The following SGCZ variants were observed in gnomAD, a reference collection of about 807,000 sequenced individuals.
SGCZ encodes the protein sarcoglycan zeta.
A neutral mutation model predicts 41.3 loss-of-function variants in SGCZ; 40 were observed. That is an observed-to-expected ratio of 0.97 (90% CI 0.75 to 1.26). The LOEUF is 1.26. Ranked by LOEUF, SGCZ falls within the 50% of genes most tolerant of loss-of-function variation. SGCZ has a pLI of 0.00. For synonymous variants in SGCZ, 206 were observed against 137.5 expected, an observed-to-expected ratio of 1.50 and a Z score of -3.49; for missense variants, 552 against 369.8, an observed-to-expected ratio of 1.49 and a Z score of -4.04.
chr8:14,137,316 G>A (rs1803229939), intron 5 of SGCZ, among the ~76,000 whole-genome samples: 1 of 152,224 alleles, frequency 6.6e-6, no homozygotes. Flanking sequence ...ACAAAGATGG[G>A]CGGAGAATGA....
intron 1 of SGCZ, among the ~76,000 whole-genome samples, chr8:14,590,016 C>G (rs934856906): frequency 8.6e-5 from 13 of 152,022 alleles, no homozygotes; most frequent in African/African-American, 3.1e-4. Context: ...ACTGACCTGG[C>G]TGAATAGTAG....
At chr8:14,397,832 C>T (rs562151272) in intron 2 of SGCZ, among the ~76,000 whole-genome samples, 69 of 152,238 alleles carry the variant, frequency 4.5e-4, no homozygotes, top group African/African-American at 1.6e-3. Flanking sequence ...CAAGGTGCTT[C>T]GTCTAAGATT....
rs972393559 is a variant in SGCZ at position 14,644,979 on chromosome 8, G to C, written c.40-90053C>G. On this transcript the variant is annotated intron_variant, in intron 1 of 7. Coordinates refer to ENST00000382080, the MANE Select transcript of SGCZ (RefSeq NM_139167.4). ...AAAAAAAAAGTCTCCAACGTTACTCGTTAGACTGTGGCCTACAGTCTATCT... is the reference window on the plus strand; with the variant it reads ...AAAAAAAAAGTCTCCAACGTTACTCCTTAGACTGTGGCCTACAGTCTATCT... 1.3e-5 allele frequency among the ~76,000 whole-genome samples: 2 copies of C among 149,666 alleles called. 1 individual carries two copies. Among genetic ancestry groups the C allele is most frequent in the East Asian group, 3.9e-4 (2 of 5,096 alleles).
At chr8:15,059,595 G>C (rs922409985) in intron 1 of SGCZ, among the ~76,000 whole-genome samples, 8 of 152,246 alleles carry the variant, frequency 5.3e-5, no homozygotes, top group African/African-American at 1.9e-4. Flanking sequence ...ATCATTACTT[G>C]AAATTGAAAA....
intron 4 of SGCZ, among the ~76,000 whole-genome samples, chr8:14,171,554 T>C (rs1804384393): frequency 6.6e-6 from 1 of 152,164 alleles, no homozygotes; most frequent in East Asian, 1.9e-4. Flanking sequence ...TATTCTATTT[T>C]GAATATTTAT....
chr8:14,738,749 A>G (rs1799119520), intron 1 of SGCZ, among the ~76,000 whole-genome samples: 1 of 152,092 alleles, frequency 6.6e-6, no homozygotes, highest in African/African-American at 2.4e-5. Flanking sequence ...GTTGGTTGTT[A>G]AACTGCTTGC....
chr8:14,982,419 G>A (rs1342326093), intron 1 of SGCZ, among the ~76,000 whole-genome samples: 13 of 152,146 alleles, frequency 8.5e-5, no homozygotes, highest in Admixed American at 7.2e-4. Context: ...ACAGAAAAAT[G>A]AGATAACATA....
intron 2 of SGCZ, among the ~76,000 whole-genome samples, chr8:14,501,611 GTTTTTT>G (rs34304255): frequency 2.8e-5 from 4 of 143,728 alleles, no homozygotes; most frequent in African/African-American, 1.0e-4. Context: ...AGTTATCCAG[GTTTTTT>G]TTTTTTTCAG....
rs541111786 is a variant in SGCZ, at chr8:15,083,742, G to T, written c.39+153843C>A. ...TGTTTTGGCGTCTGCTGTTTTTTGG[G>T]TTTTTTGTTGTTGTTGTTTTGTCTT... On this transcript the variant is annotated intron_variant, in intron 1 of 7. Transcript: ENST00000382080. Among the ~76,000 whole-genome samples the T allele has an allele frequency of 3.9e-5, 6 of 151,982 alleles. No homozygotes were observed. In the East Asian group the frequency reaches 1.2e-3, roughly 30 times the overall value.
At chr8:14,294,859 G>A (rs1282522469) in intron 3 of SGCZ, among the ~76,000 whole-genome samples, 1 of 152,038 alleles carries the variant, frequency 6.6e-6, no homozygotes, top group African/African-American at 2.4e-5. Flanking sequence ...ACAGTGCACT[G>A]CCACTAAGTG....
At chr8:14,589,129 A>G (rs920575508) in intron 1 of SGCZ, among the ~76,000 whole-genome samples, 2 of 152,140 alleles carry the variant, frequency 1.3e-5, no homozygotes, top group Admixed American at 1.3e-4. Context: ...GCACATGTAT[A>G]CATATGTAAC....
At chr8:15,200,441 T>C (rs960836618) in intron 1 of SGCZ, among the ~76,000 whole-genome samples, 2 of 152,154 alleles carry the variant, frequency 1.3e-5, no homozygotes, top group Admixed American at 6.5e-5. Context: ...AAGATAAAAG[T>C]AGACGTGGCT....
intron 1 of SGCZ, among the ~76,000 whole-genome samples, chr8:15,225,416 C>T (rs141863535): frequency 6.6e-6 from 1 of 152,088 alleles, no homozygotes; most frequent in African/African-American, 2.4e-5. Flanking sequence ...TGCAATATTA[C>T]AACAGAGGGA....
chr8:14,169,285 C>T (rs564241184), intron 4 of SGCZ, among the ~76,000 whole-genome samples: 157 of 152,230 alleles, frequency 1.0e-3, no homozygotes, highest in Non-Finnish European at 2.0e-3. Flanking sequence ...ACTGTCTCCC[C>T]CTGCTCCCAG....
At chr8:14,536,325 C>T (rs950726677) in intron 2 of SGCZ, among the ~76,000 whole-genome samples, 1 of 151,690 alleles carries the variant, frequency 6.6e-6, no homozygotes, top group Admixed American at 6.6e-5. Flanking sequence ...AAAATTGCTA[C>T]AAAGTCAGAA....
At chr8:14,912,896 G>C (rs1055914007) in intron 1 of SGCZ, among the ~76,000 whole-genome samples, 1 of 151,982 alleles carries the variant, frequency 6.6e-6, no homozygotes, top group African/African-American at 2.4e-5. Context: ...TTCTTAACTG[G>C]AAAAAGAAAA....
chr8:14,581,759 G>C (rs1038963301), intron 1 of SGCZ, among the ~76,000 whole-genome samples: 2 of 152,144 alleles, frequency 1.3e-5, no homozygotes, highest in East Asian at 3.9e-4. Context: ...TGAGGATAGT[G>C]ATAAGGGAAA....
chr8:14,272,527 T>A (rs1369448630), intron 3 of SGCZ, among the ~76,000 whole-genome samples: 1 of 152,164 alleles, frequency 6.6e-6, no homozygotes, highest in Non-Finnish European at 1.5e-5. Context: ...GCTATTAATA[T>A]GACATGACTG....
At chr8:14,448,493 G>C (rs963494746) in intron 2 of SGCZ, among the ~76,000 whole-genome samples, 2 of 152,070 alleles carry the variant, frequency 1.3e-5, no homozygotes, top group Non-Finnish European at 2.9e-5. Context: ...TGTAAAAATA[G>C]GATAGTGATA....
Sources: allele counts gnomAD v4.1 joint callset (sites outside exome capture counted in the v4.1 genomes callset), GRCh38; gene constraint gnomAD v4.1.1; transcripts MANE v1.5; gene names NCBI Gene and HGNC (gene_info 2026-07-23, HGNC 2026-07-21).